The following YPEL2 variants were observed in gnomAD, a reference collection of about 807,000 sequenced individuals.
YPEL2 encodes yippee like 2.
YPEL2 carries 2 observed loss-of-function variants against 19.1 expected under a neutral mutation model. The observed-to-expected ratio is 0.10, with a 90% CI of 0.04 to 0.33. YPEL2 has a LOEUF of 0.33. YPEL2 is among the 10% of genes least tolerant of loss of function. YPEL2 has a pLI of 1.00. For synonymous variants in YPEL2, 52 were observed against 50.0 expected (o/e 1.04, Z -0.17); for missense variants, 66 against 140.7 (o/e 0.47, Z 2.68).
At chr17:59,341,542 C>T (rs1042263909) in intron 1 of YPEL2, among the ~76,000 whole-genome samples, 1 of 152,076 alleles carries the variant, frequency 6.6e-6, no homozygotes, top group Non-Finnish European at 1.5e-5. Flanking sequence ...GCCTATAATC[C>T]CAGCTACTTG....
intron 1 of YPEL2, among the ~76,000 whole-genome samples, chr17:59,349,173 C>CAAA (rs57129006): frequency 2.1e-4 from 12 of 57,484 alleles, no homozygotes; most frequent in African/African-American, 2.8e-4. Flanking sequence ...GACTCCGTCT[C>CAAA]AAAAAAAAAA....
chr17:59,388,256 A>G, intron 2 of YPEL2, 71 bp from the exon 3 acceptor site: 1 of 1,475,434 alleles, frequency 6.8e-7, no homozygotes, highest in South Asian at 1.1e-5. Context: ...CTTAACTGTG[A>G]TTGGGGTTGG....
intron 4 of YPEL2, among the ~76,000 whole-genome samples, chr17:59,394,488 A>T (rs931556909): frequency 3.4e-5 from 5 of 145,222 alleles, no homozygotes; most frequent in Non-Finnish European, 7.5e-5. Context: ...CACTTTCCAG[A>T]CTGGGCAGCC....
At chr17:59,363,805 G>A (rs1221806455) in intron 2 of YPEL2, among the ~76,000 whole-genome samples, 1 of 152,196 alleles carries the variant, frequency 6.6e-6, no homozygotes, top group African/African-American at 2.4e-5. Context: ...TCGCAGTGTG[G>A]CCTAGGTTCT....
intron 1 of YPEL2, among the ~76,000 whole-genome samples, chr17:59,345,649 G>A (rs560909304): frequency 1.4e-4 from 21 of 152,256 alleles, no homozygotes; most frequent in African/African-American, 4.8e-4. Context: ...CCTTTAAGTC[G>A]ATTAGTTTAG....
At chr17:59,333,316 G>C (rs985002990) in intron 1 of YPEL2, among the ~76,000 whole-genome samples, 1 of 152,246 alleles carries the variant, frequency 6.6e-6, no homozygotes, top group Admixed American at 6.5e-5. Flanking sequence ...AGTGCAGTGG[G>C]AGCCTCATCC....
At chr17:59,337,892 T>C (rs2047707769) in intron 1 of YPEL2, among the ~76,000 whole-genome samples, 1 of 152,200 alleles carries the variant, frequency 6.6e-6, no homozygotes, top group Non-Finnish European at 1.5e-5. Flanking sequence ...ACCTTCTGTT[T>C]CCCAGACCCA....
chr17:59,348,249 C>T lies in YPEL2; in HGVS notation c.-195-4966C>T, dbSNP rs1450396668. On this transcript the variant is annotated intron_variant, in intron 1 of 4. Coordinates refer to ENST00000312655, the MANE Select transcript of YPEL2 (RefSeq NM_001005404.4). ...ACAACACAGAGGCATGCCTTGGGGC[C>T]AGCCTTGTCTCATGTCTGGAGGAAT... 5.5e-4 allele frequency among the ~76,000 whole-genome samples: 84 copies of T among 152,244 alleles called. 1 individual carries two copies. The highest frequency in any genetic ancestry group is 5.5e-3 in the Admixed American group (84 of 15,280).
chr17:59,385,693 TG>T (rs1364006524), intron 2 of YPEL2, among the ~76,000 whole-genome samples: 27 of 152,186 alleles, frequency 1.8e-4, no homozygotes, highest in Admixed American at 1.8e-3. Flanking sequence ...AGGAGATGTT[TG>T]GGTGTCATGG....
chr17:59,379,945 C>G (rs983302648), intron 2 of YPEL2, among the ~76,000 whole-genome samples: 1 of 151,968 alleles, frequency 6.6e-6, no homozygotes, highest in Non-Finnish European at 1.5e-5. Context: ...ACTGTAACCT[C>G]TACCTCCCGG....
rs956478871 is a variant in YPEL2, at chr17:59,400,370, C to G, written c.*3180C>G. On this transcript the variant is annotated 3_prime_UTR_variant, in exon 5 of 5. Coordinates refer to ENST00000312655, the MANE Select transcript of YPEL2 (RefSeq NM_001005404.4). The stretch of plus-strand genomic sequence containing the variant: ...AATTTTTTAAATAATATATTTGGTG[C>G]TGTTTTCTCAGATCCCCTGAGAGCA... 1 of 152,438 alleles carries G rather than the reference C, an allele frequency of 6.6e-6. No homozygotes were observed. The highest frequency in any genetic ancestry group is 1.5e-5 in the Non-Finnish European group (1 of 68,008). 9.4% of individuals were successfully genotyped at this position (152,438 alleles called of 1,614,324 possible).
intron 1 of YPEL2, among the ~76,000 whole-genome samples, chr17:59,340,331 A>G (rs2147934119): frequency 6.6e-6 from 1 of 151,612 alleles, no homozygotes; most frequent in South Asian, 2.1e-4. Context: ...CTGGTCTCGA[A>G]CTCCTGACCT....
intron 1 of YPEL2, among the ~76,000 whole-genome samples, chr17:59,332,543 T>C (rs1216121019): frequency 6.6e-6 from 1 of 152,106 alleles, no homozygotes; most frequent in Non-Finnish European, 1.5e-5. Flanking sequence ...TTTCGCCACT[T>C]CCAGTTCACC....
chr17:59,386,000 G>A (rs2047978127), intron 2 of YPEL2, among the ~76,000 whole-genome samples: 1 of 152,132 alleles, frequency 6.6e-6, no homozygotes. Context: ...ATAAACAGAT[G>A]ATTTCAATCC....
chr17:59,338,626 C>T (rs777925326), intron 1 of YPEL2, among the ~76,000 whole-genome samples: 13 of 152,080 alleles, frequency 8.5e-5, no homozygotes, highest in Non-Finnish European at 1.5e-4. Context: ...TCAGGAAGCA[C>T]GTGAGATGGG....
intron 2 of YPEL2, among the ~76,000 whole-genome samples, chr17:59,382,623 T>G (rs552156591): frequency 6.6e-6 from 1 of 152,392 alleles, no homozygotes; most frequent in South Asian, 2.1e-4. Flanking sequence ...AACATTTGTA[T>G]AATTTAAATG....
chr17:59,382,097 C>A (rs891435681), intron 2 of YPEL2, among the ~76,000 whole-genome samples: 15 of 152,202 alleles, frequency 9.9e-5, no homozygotes, highest in Non-Finnish European at 1.8e-4. Context: ...GCAGGGGCCC[C>A]AGAATGGAAC....
At chr17:59,334,047 A>G (rs1302979541) in intron 1 of YPEL2, among the ~76,000 whole-genome samples, 2 of 152,168 alleles carry the variant, frequency 1.3e-5, no homozygotes, top group Non-Finnish European at 2.9e-5. Context: ...TTTGTTCTCA[A>G]CTGCCATGAA....
At chr17:59,384,995 A>G (rs1285694606) in intron 2 of YPEL2, among the ~76,000 whole-genome samples, 1 of 152,202 alleles carries the variant, frequency 6.6e-6, no homozygotes, top group African/African-American at 2.4e-5. Context: ...TTCTTAGAGG[A>G]TGACATTCCA....
Sources: allele counts gnomAD v4.1 joint callset (sites outside exome capture counted in the v4.1 genomes callset), GRCh38; gene constraint gnomAD v4.1.1; transcripts MANE v1.5; gene names NCBI Gene and HGNC (gene_info 2026-07-23, HGNC 2026-07-21).